Variants in CSMD2 observed in about 807,000 individuals in gnomAD.
CSMD2 encodes the protein CUB and Sushi multiple domains 2.
Under a neutral mutation model 398.5 loss-of-function variants are expected in CSMD2, and 130 were observed. The ratio of observed to expected loss-of-function variants is 0.33; its 90% CI spans 0.28 to 0.38. The LOEUF (loss-of-function observed/expected upper bound fraction) is 0.38, where lower values mean the gene tolerates loss of function less well. Among genes scored for constraint, CSMD2 ranks in the 10% least tolerant of loss-of-function variants. CSMD2 has a pLI of 1.00. For synonymous variants in CSMD2, 1,828 were observed against 1,908.5 expected, an observed-to-expected ratio of 0.96 and a Z score of 1.10; for missense variants, 3,829 against 4,764.9, an observed-to-expected ratio of 0.80 and a Z score of 5.78.
Position 33,864,536 on chromosome 1 carries a change from C to A in CSMD2, c.921-17540G>T, listed in dbSNP as rs61769874. 9.6e-3 allele frequency: 15,484 copies of A among 1,614,076 alleles called. 100 individuals carry two copies. The highest frequency in any genetic ancestry group is 0.011 in the Non-Finnish European group (12,525 of 1,180,000). On this transcript the variant is annotated intron_variant, in intron 5 of 70. Transcript: ENST00000373381. Reference sequence around the variant, plus strand: ...ACTATGCTCAGCTGAAGAGGGAGAACCCGAACTGGTCGGTGGTGCAGGTGG... The same window carrying A: ...ACTATGCTCAGCTGAAGAGGGAGAAACCGAACTGGTCGGTGGTGCAGGTGG...
intron 2 of CSMD2, among the ~76,000 whole-genome samples, chr1:34,072,656 G>A (rs899138542): frequency 6.6e-6 from 1 of 152,188 alleles, no homozygotes; most frequent in African/African-American, 2.4e-5. Context: ...CTATTAAACA[G>A]CAGACTTGGT....
At chr1:34,123,912 T>C (rs1278544613) in intron 1 of CSMD2, among the ~76,000 whole-genome samples, 1 of 152,202 alleles carries the variant, frequency 6.6e-6, no homozygotes, top group Non-Finnish European at 1.5e-5. Flanking sequence ...AGTAAGGTTG[T>C]GAACACAGGC....
chr1:33,611,679 T>C (rs991942476), intron 40 of CSMD2, among the ~76,000 whole-genome samples: 3 of 152,238 alleles, frequency 2.0e-5, no homozygotes, highest in African/African-American at 4.8e-5. Flanking sequence ...AGAACTCTTA[T>C]GATAATTCAG....
intron 3 of CSMD2, among the ~76,000 whole-genome samples, chr1:33,986,388 T>C (rs1029614499): frequency 6.6e-6 from 1 of 152,196 alleles, no homozygotes; most frequent in Admixed American, 6.5e-5. Flanking sequence ...ATCCTTGGCA[T>C]AGCAAGGAGT....
chr1:33,569,244 G>C, intron 52 of CSMD2, 130 bp downstream of exon 52: 2 of 946,012 alleles, frequency 2.1e-6, no homozygotes, highest in Non-Finnish European at 3.0e-6. Context: ...CCAATAGTTG[G>C]TGTTTGGATT....
intron 2 of CSMD2, among the ~76,000 whole-genome samples, chr1:34,049,786 A>T (rs947680878): frequency 6.6e-6 from 1 of 152,102 alleles, no homozygotes; most frequent in Non-Finnish European, 1.5e-5. Flanking sequence ...AATTACCACT[A>T]CCTGGATGGC....
At chr1:33,574,068 C>T (rs1659846271) in intron 49 of CSMD2, among the ~76,000 whole-genome samples, 1 of 152,150 alleles carries the variant, frequency 6.6e-6, no homozygotes, top group Admixed American at 6.5e-5. Flanking sequence ...ACTGACCAAA[C>T]ATGTGTGAGG....
chr1:33,754,690 T>G lies in CSMD2; in HGVS notation c.1847-11084A>C, dbSNP rs1316353763. ...GGTAAAAATACATTTCTCACTGTTATGTTAAAAGTTTTTAAAGGTTCCTTA... is the reference window on the plus strand; with the variant it reads ...GGTAAAAATACATTTCTCACTGTTAGGTTAAAAGTTTTTAAAGGTTCCTTA... On this transcript the variant is annotated intron_variant, in intron 13 of 70. Coordinates refer to ENST00000373381, the MANE Select transcript of CSMD2 (RefSeq NM_001281956.2). Among the ~76,000 whole-genome samples the G allele has an allele frequency of 2.0e-5, 3 of 149,482 alleles. No homozygotes were observed. In the East Asian group the frequency reaches 5.8e-4, roughly 29 times the overall value.
intron 3 of CSMD2, among the ~76,000 whole-genome samples, chr1:33,967,034 G>A (rs544336622): frequency 7.4e-4 from 112 of 152,294 alleles, no homozygotes; most frequent in Admixed American, 1.9e-3. Context: ...TAATAGGGGC[G>A]TGGTATTATT....
At chr1:33,890,313 C>T (rs1286783136) in intron 5 of CSMD2, among the ~76,000 whole-genome samples, 2 of 148,330 alleles carry the variant, frequency 1.3e-5, no homozygotes, top group Non-Finnish European at 3.0e-5. Context: ...TCACTGCAAG[C>T]TCCGCCTCCC....
chr1:33,843,838 C>T (rs923875475), intron 6 of CSMD2, among the ~76,000 whole-genome samples: 2 of 152,230 alleles, frequency 1.3e-5, no homozygotes, highest in Admixed American at 1.3e-4. Context: ...CTGTGGTCCC[C>T]TCCTCCTGCA....
At chr1:34,142,989 G>A (rs987948655) in intron 1 of CSMD2, among the ~76,000 whole-genome samples, 5 of 152,096 alleles carry the variant, frequency 3.3e-5, no homozygotes, top group African/African-American at 9.7e-5. Flanking sequence ...TTAAGAAACC[G>A]CATGTGGATG....
At chr1:33,646,053 T>C (rs543591536) in intron 29 of CSMD2, among the ~76,000 whole-genome samples, 3 of 152,362 alleles carry the variant, frequency 2.0e-5, no homozygotes, top group African/African-American at 7.2e-5. Flanking sequence ...TCTTGCTCTC[T>C]ACCACAACAC....
At chr1:34,004,239 G>A (rs1412079888) in intron 3 of CSMD2, among the ~76,000 whole-genome samples, 1 of 152,178 alleles carries the variant, frequency 6.6e-6, no homozygotes, top group Non-Finnish European at 1.5e-5. Context: ...GATGAATGAG[G>A]TCCCAGTGAC....
chr1:33,568,352 T>A (rs546812424), intron 52 of CSMD2, among the ~76,000 whole-genome samples: 1 of 152,262 alleles, frequency 6.6e-6, no homozygotes, highest in East Asian at 1.9e-4. Flanking sequence ...CATACCCAGC[T>A]AATTTTTGTA....
intron 2 of CSMD2, among the ~76,000 whole-genome samples, chr1:34,070,131 TC>T (rs1169396150): frequency 1.3e-5 from 2 of 152,184 alleles, no homozygotes; most frequent in South Asian, 4.1e-4. Context: ...AGAAGCCCAC[TC>T]CTTTGGGGTT....
At position 33,624,769 on chromosome 1, in the gene CSMD2, T is replaced by A. The variant is rs918022943; in HGVS notation, c.5501-126A>T. The A allele has an allele frequency of 9.1e-5, 117 of 1,282,042 alleles. No homozygotes were observed. Among genetic ancestry groups the A allele is most frequent in the Non-Finnish European group, 9.4e-5 (89 of 942,728 alleles). 79.4% of individuals were successfully genotyped at this position (1,282,042 alleles called of 1,614,324 possible). On this transcript the variant is annotated intron_variant, in intron 34 of 70. Coordinates refer to ENST00000373381, the MANE Select transcript of CSMD2 (RefSeq NM_001281956.2). The surrounding 1 kb of genome is among the most constrained non-coding windows in gnomAD (Gnocchi z 4.7). ...TCCCCATGGGGGTGTCTCCCTAATG[T>A]CCCCAGTCCTGCCTTCTCCACGGCC...
At chr1:33,623,240 G>T in intron 36 of CSMD2, 130 bp downstream of exon 36, 1 of 685,214 alleles carries the variant, frequency 1.5e-6, no homozygotes, top group Non-Finnish European at 2.5e-6. Flanking sequence ...CCACTGATGT[G>T]TCCACTTGAA....
chr1:34,076,382 C>A (rs1656333522), intron 2 of CSMD2, among the ~76,000 whole-genome samples: 1 of 152,206 alleles, frequency 6.6e-6, no homozygotes, highest in Non-Finnish European at 1.5e-5. Context: ...GGTTTTTCAA[C>A]CTCAGCTTTA....
Sources: allele counts gnomAD v4.1 joint callset (sites outside exome capture counted in the v4.1 genomes callset), GRCh38; gene constraint gnomAD v4.1.1; non-coding constraint Gnocchi (gnomAD v3.1); transcripts MANE v1.5; gene names NCBI Gene and HGNC (gene_info 2026-07-23, HGNC 2026-07-21).